TNPO1: variants seen among roughly 807,000 people sequenced by gnomAD.
TNPO1 encodes the protein transportin-1.
In TNPO1, 8 loss-of-function variants were observed where a neutral mutation model predicts 119.5. The observed-to-expected ratio is 0.07, with a 90% CI of 0.04 to 0.12. The LOEUF (loss-of-function observed/expected upper bound fraction) is 0.12, where lower values mean the gene tolerates loss of function less well. TNPO1 is among the 10% of genes least tolerant of loss of function. The pLI is 1.00. For synonymous variants in TNPO1, 362 were observed against 363.0 expected (o/e 1.00, Z 0.03); for missense variants, 576 against 1,089.8 (o/e 0.53, Z 6.64).
chr5:72,857,836 T>A (rs1278300915), intron 4 of TNPO1, among the ~76,000 whole-genome samples: 2 of 152,222 alleles, frequency 1.3e-5, no homozygotes, highest in African/African-American at 4.8e-5. Context: ...GAGAGAAGAA[T>A]TGGTTTTATC....
At chr5:72,862,061 A>C in intron 5 of TNPO1, 147 bp downstream of exon 5, 1 of 577,492 alleles carries the variant, frequency 1.7e-6, no homozygotes, top group South Asian at 2.2e-5. Context: ...GTTATATTAC[A>C]TTTGTAAATC....
At chr5:72,856,496 G>C (rs1186480052) in intron 4 of TNPO1, among the ~76,000 whole-genome samples, 1 of 151,982 alleles carries the variant, frequency 6.6e-6, no homozygotes, top group Non-Finnish European at 1.5e-5. Context: ...GCCTCCCAAA[G>C]TGCTGAGATT....
chr5:72,838,553 T>TGATATAGCTATAATTAG (rs1204588851), intron 1 of TNPO1, among the ~76,000 whole-genome samples: 8 of 152,188 alleles, frequency 5.3e-5, no homozygotes, highest in Non-Finnish European at 1.0e-4. Context: ...GCTCCTTAAA[T>TGATATAGCTATAATTAG]TCAGTAAGTA....
At chr5:72,882,417 A>T in intron 9 of TNPO1, 50 bp from the exon 10 acceptor site, 3 of 1,373,678 alleles carry the variant, frequency 2.2e-6, no homozygotes, top group Non-Finnish European at 1.0e-6. Context: ...CTTATTAATT[A>T]TTCTCTTGAG....
At chr5:72,875,790 C>G (rs1466790769) in intron 8 of TNPO1, 53 bp downstream of exon 8, 1 of 1,557,714 alleles carries the variant, frequency 6.4e-7, no homozygotes, top group Non-Finnish European at 8.8e-7. Flanking sequence ...AAGAGAAATA[C>G]TAGATAGAAA....
intron 15 of TNPO1, among the ~76,000 whole-genome samples, chr5:72,892,761 A>G (rs1579921661): frequency 6.6e-6 from 1 of 152,312 alleles, no homozygotes; most frequent in African/African-American, 2.4e-5. Flanking sequence ...CCAACTGTAT[A>G]TATATTACTT....
chr5:72,858,849 G>A (rs1746204209), intron 4 of TNPO1, among the ~76,000 whole-genome samples: 2 of 150,964 alleles, frequency 1.3e-5, no homozygotes, highest in Non-Finnish European at 3.0e-5. Flanking sequence ...AAAAAAAAAA[G>A]ACTCTAAAGT....
intron 1 of TNPO1, among the ~76,000 whole-genome samples, chr5:72,829,823 C>A (rs1744370047): frequency 6.6e-6 from 1 of 152,126 alleles, no homozygotes; most frequent in African/African-American, 2.4e-5. Context: ...GTTATTTTGG[C>A]TCTTCTTGGC....
intron 1 of TNPO1, among the ~76,000 whole-genome samples, chr5:72,847,431 A>C (rs1745179305): frequency 6.6e-6 from 1 of 152,218 alleles, no homozygotes; most frequent in East Asian, 1.9e-4. Context: ...TTCGTGTCTC[A>C]GTCTTCACTG....
rs761258866 is a variant in TNPO1 at position 72,908,963 on chromosome 5, A to G, written c.*290A>G. On this transcript the variant is annotated 3_prime_UTR_variant, in exon 25 of 25. Transcript: ENST00000337273. ...TGAAGAAGCAAAAAAAAAAAAATCT[A>G]TTCAGTCTACTCACAAAACAGTACA... 3.6e-5 allele frequency: 16 copies of G among 447,476 alleles called. No individual in the cohort carries two copies. The highest frequency in any genetic ancestry group is 8.1e-5 in the African/African-American group (4 of 49,254). The allele number at this position is 447,476 out of a possible 1,614,324, so 27.7% of individuals were successfully genotyped here.
intron 6 of TNPO1, among the ~76,000 whole-genome samples, chr5:72,867,009 T>C (rs987525625): frequency 3.9e-5 from 6 of 151,938 alleles, no homozygotes; most frequent in African/African-American, 1.5e-4. Flanking sequence ...ACCCTTTCTC[T>C]ACAAAAAATA....
intron 20 of TNPO1, 101 bp downstream of exon 20, chr5:72,897,252 C>T: frequency 1.3e-6 from 1 of 746,616 alleles, no homozygotes; most frequent in South Asian, 2.2e-5. Flanking sequence ...TAAAATCGAG[C>T]TTATTTTGTA....
intron 1 of TNPO1, among the ~76,000 whole-genome samples, chr5:72,832,191 T>C (rs1313375381): frequency 6.6e-6 from 1 of 152,148 alleles, no homozygotes; most frequent in Non-Finnish European, 1.5e-5. Flanking sequence ...CATACTAGTT[T>C]TACACTACCA....
chr5:72,891,120 G>A (rs982570650), intron 14 of TNPO1, among the ~76,000 whole-genome samples: 8 of 151,890 alleles, frequency 5.3e-5, no homozygotes, highest in Non-Finnish European at 8.8e-5. Context: ...TGGAATTACA[G>A]GTGTGAGCCA....
At chr5:72,873,461 C>T (rs1314830662) in intron 7 of TNPO1, among the ~76,000 whole-genome samples, 1 of 152,004 alleles carries the variant, frequency 6.6e-6, no homozygotes, top group Non-Finnish European at 1.5e-5. Context: ...CTTAAATTGA[C>T]CAGCTTCTTT....
intron 10 of TNPO1, 61 bp from the exon 11 acceptor site, chr5:72,883,003 C>T: frequency 8.6e-7 from 1 of 1,164,164 alleles, no homozygotes; most frequent in South Asian, 1.3e-5. Context: ...TTCTCTTACT[C>T]ATGTACATAC....
intron 12 of TNPO1, 123 bp downstream of exon 12, chr5:72,887,345 G>A (rs919600000): frequency 9.9e-6 from 11 of 1,112,520 alleles, no homozygotes; most frequent in Middle Eastern, 3.1e-4. Flanking sequence ...AACAGCCATA[G>A]GCCGTCTTCT....
At chr5:72,865,571 G>T in intron 5 of TNPO1, 25 bp from the exon 6 acceptor site, 1 of 1,604,912 alleles carries the variant, frequency 6.2e-7, no homozygotes, top group Non-Finnish European at 8.5e-7. Flanking sequence ...AACAAATTCT[G>T]ATAATTTAAA....
chr5:72,848,158 G>GGCGGCA, intron 1 of TNPO1: 2 of 1,205,390 alleles, frequency 1.7e-6, no homozygotes, highest in Non-Finnish European at 2.1e-6. Context: ...CGGCGGCCGC[G>GGCGGCA]GCGGCAGCAG....
Sources: allele counts gnomAD v4.1 joint callset (sites outside exome capture counted in the v4.1 genomes callset), GRCh38; gene constraint gnomAD v4.1.1; transcripts MANE v1.5; gene names NCBI Gene and HGNC (gene_info 2026-07-23, HGNC 2026-07-21).